The following ANO2 variants were observed in gnomAD, a reference collection of about 807,000 sequenced individuals.
ANO2 encodes anoctamin 2.
ANO2 carries 101 observed loss-of-function variants against 124.2 expected under a neutral mutation model. The ratio of observed to expected loss-of-function variants is 0.81; its 90% CI spans 0.69 to 0.96. The LOEUF (loss-of-function observed/expected upper bound fraction) is 0.96. Ranked by LOEUF, ANO2 falls within the 40% of genes least tolerant of loss-of-function variation. The probability of loss-of-function intolerance (pLI) is 0.00; values close to 1 mark genes in which losing one functional copy is unlikely to be tolerated. For synonymous variants in ANO2, 486 were observed against 482.5 expected, an observed-to-expected ratio of 1.01 and a Z score of -0.09; for missense variants, 1,293 against 1,274.5, an observed-to-expected ratio of 1.01 and a Z score of -0.22.
At chr12:5,690,059 G>A (rs1210362529) in intron 14 of ANO2, among the ~76,000 whole-genome samples, 2 of 152,104 alleles carry the variant, frequency 1.3e-5, no homozygotes, top group African/African-American at 2.4e-5. Context: ...AGGCACAGCA[G>A]GGCAAAGTCA....
intron 14 of ANO2, among the ~76,000 whole-genome samples, chr12:5,709,408 TC>T (rs1207615740): frequency 6.6e-6 from 1 of 152,170 alleles, no homozygotes; most frequent in Non-Finnish European, 1.5e-5. Context: ...GAGTGTGCCC[TC>T]CCCTTCAATG....
chr12:5,796,996 C>G (rs1417669772), intron 10 of ANO2, among the ~76,000 whole-genome samples: 1 of 152,184 alleles, frequency 6.6e-6, no homozygotes, highest in African/African-American at 2.4e-5. Flanking sequence ...AGCTGAAAAC[C>G]CAAAGAAACG....
At chr12:5,930,501 T>A (rs1942315665) in intron 1 of ANO2, among the ~76,000 whole-genome samples, 1 of 152,146 alleles carries the variant, frequency 6.6e-6, no homozygotes, top group Non-Finnish European at 1.5e-5. Flanking sequence ...TATATGACAA[T>A]TTGGTCTTCA....
intron 1 of ANO2, 106 bp downstream of exon 1, chr12:5,945,090 T>TG (rs1305076360): frequency 9.0e-7 from 1 of 1,116,308 alleles, no homozygotes; most frequent in Non-Finnish European, 1.2e-6. Context: ...CAGGCTCCCT[T>TG]GGGGGTCCCC....
intron 4 of ANO2, among the ~76,000 whole-genome samples, chr12:5,841,456 C>T (rs11610503): frequency 0.036 from 5,522 of 152,318 alleles, 120 homozygotes; most frequent in South Asian, 0.046. Context: ...ATTCTGTTGT[C>T]AGTAGGTCCT....
At chr12:5,828,502 G>T (rs1024300344) in intron 6 of ANO2, among the ~76,000 whole-genome samples, 2 of 152,184 alleles carry the variant, frequency 1.3e-5, no homozygotes, top group Admixed American at 6.5e-5. Context: ...TATTTCTCTG[G>T]TTTTTTCCTG....
intron 13 of ANO2, among the ~76,000 whole-genome samples, chr12:5,737,949 G>A (rs1319717732): frequency 6.6e-6 from 1 of 152,196 alleles, no homozygotes; most frequent in Non-Finnish European, 1.5e-5. Flanking sequence ...ATTAGCCTCA[G>A]GGTATATGCG....
chr12:5,592,809 C>T (rs57831236), intron 20 of ANO2, among the ~76,000 whole-genome samples: 2,265 of 152,214 alleles, frequency 0.015, 50 homozygotes, highest in African/African-American at 0.049. Flanking sequence ...AGAAACTCTC[C>T]CCAGTTAGGG....
chr12:5,608,303 C>G (rs1944317397), intron 19 of ANO2, among the ~76,000 whole-genome samples: 1 of 149,458 alleles, frequency 6.7e-6, no homozygotes, highest in African/African-American at 2.5e-5. Context: ...CTCGTATGAC[C>G]AAACTCAAAA....
chr12:5,667,097 A>G (rs1227113771), intron 14 of ANO2, among the ~76,000 whole-genome samples: 1 of 152,112 alleles, frequency 6.6e-6, no homozygotes, highest in Non-Finnish European at 1.5e-5. Flanking sequence ...GGACACCCGG[A>G]AGCTCTGCGT....
intron 4 of ANO2, among the ~76,000 whole-genome samples, chr12:5,847,445 CTGTGTGTGTGTG>C (rs35366359): frequency 4.8e-5 from 7 of 144,780 alleles, no homozygotes; most frequent in Admixed American, 2.1e-4. Context: ...CATAACACCT[CTGTGTGTGTGTG>C]TGTGTGTGTG....
intron 14 of ANO2, among the ~76,000 whole-genome samples, chr12:5,714,560 T>C (rs1949944011): frequency 6.6e-6 from 1 of 152,182 alleles, no homozygotes; most frequent in Non-Finnish European, 1.5e-5. Context: ...GGTTTCAATA[T>C]GGTGCTCGCT....
intron 23 of ANO2, among the ~76,000 whole-genome samples, chr12:5,566,595 A>T (rs1394661242): frequency 1.3e-5 from 2 of 152,188 alleles, no homozygotes; most frequent in Non-Finnish European, 2.9e-5. Context: ...TCAGGCCACC[A>T]AGCAATGATA....
intron 3 of ANO2, among the ~76,000 whole-genome samples, chr12:5,886,044 G>A (rs768773338): frequency 6.6e-6 from 1 of 152,148 alleles, no homozygotes; most frequent in Non-Finnish European, 1.5e-5. Flanking sequence ...TCCTGGCCTG[G>A]GACTCCGGAA....
intron 10 of ANO2, among the ~76,000 whole-genome samples, chr12:5,759,738 G>T (rs1412424830): frequency 6.6e-6 from 1 of 151,160 alleles, no homozygotes; most frequent in Non-Finnish European, 1.5e-5. Context: ...CTGATCCCTG[G>T]TGCCAAAAAG....
intron 1 of ANO2, among the ~76,000 whole-genome samples, chr12:5,933,963 A>T (rs1942543445): frequency 6.6e-6 from 1 of 152,160 alleles, no homozygotes; most frequent in African/African-American, 2.4e-5. Context: ...GAGCTCTAAA[A>T]GCTTTTGGAG....
At chr12:5,783,324 G>A (rs561499433) in intron 10 of ANO2, among the ~76,000 whole-genome samples, 2 of 152,232 alleles carry the variant, frequency 1.3e-5, no homozygotes, top group East Asian at 3.9e-4. Flanking sequence ...TACCCAGATG[G>A]GCATCAGTTG....
At chr12:5,827,660 G>A in intron 7 of ANO2, 109 bp downstream of exon 7, 1 of 1,274,838 alleles carries the variant, frequency 7.8e-7, no homozygotes, top group South Asian at 1.3e-5. Flanking sequence ...TCCGTGGGGG[G>A]CATTTGCTTG....
chr12:5,896,140 G>A (rs1236631869), intron 3 of ANO2, among the ~76,000 whole-genome samples: 1 of 151,908 alleles, frequency 6.6e-6, no homozygotes, highest in East Asian at 1.9e-4. Context: ...AGGGGGGTGA[G>A]GTATAAAAGA....
Sources: allele counts gnomAD v4.1 joint callset (sites outside exome capture counted in the v4.1 genomes callset), GRCh38; gene constraint gnomAD v4.1.1; transcripts MANE v1.5; gene names NCBI Gene and HGNC (gene_info 2026-07-23, HGNC 2026-07-21).